STRN: variants seen among roughly 807,000 people sequenced by gnomAD.
STRN encodes striatin.
STRN carries 53 observed loss-of-function variants against 96.3 expected under a neutral mutation model. The ratio of observed to expected loss-of-function variants is 0.55; its 90% CI spans 0.44 to 0.69. The LOEUF (loss-of-function observed/expected upper bound fraction) is 0.69, where lower values mean the gene tolerates loss of function less well. Among genes scored for constraint, STRN ranks in the 30% least tolerant of loss-of-function variants. STRN has a pLI of 0.00. For missense variants in STRN, 987 were observed against 963.9 expected (o/e 1.02, Z -0.32); for synonymous variants, 428 against 355.9 (o/e 1.20, Z -2.28).
At position 36,846,596 on chromosome 2, in the gene STRN, TTCA is replaced by T. The variant is rs1322126678; in HGVS notation, c.*2857_*2859del. The T allele has an allele frequency of 6.6e-6, 1 of 151,176 alleles. No homozygotes were observed. The highest frequency in any genetic ancestry group is 1.9e-4 in the East Asian group (1 of 5,184). The allele number at this position is 151,176 out of a possible 1,614,324, so 9.4% of individuals were successfully genotyped here. On this transcript the variant is annotated 3_prime_UTR_variant, in exon 18 of 18. Coordinates refer to ENST00000263918, the MANE Select transcript of STRN (RefSeq NM_003162.4). ...ATTAAAAAAAAAATTTCTCACAAAGTTCATCATCAGTGATGCAGCTCAATTTCC... is the reference window on the plus strand; with the variant it reads ...ATTAAAAAAAAAATTTCTCACAAAGTTCATCAGTGATGCAGCTCAATTTCC...
At chr2:36,875,425 A>C (rs1165464686) in intron 10 of STRN, among the ~76,000 whole-genome samples, 2 of 148,126 alleles carry the variant, frequency 1.4e-5, no homozygotes, top group Admixed American at 1.4e-4. Flanking sequence ...AGGATGGCTT[A>C]AGCCTAGAAG....
At chr2:36,905,435 TATGAG>T (rs1669795921) in intron 4 of STRN, 100 bp downstream of exon 4, 1 of 992,552 alleles carries the variant, frequency 1.0e-6, no homozygotes, top group Middle Eastern at 2.1e-4. Context: ...ACAGCATCTG[TATGAG>T]ATAAAATATT....
Position 36,841,576 on chromosome 2 carries a change from T to G in STRN, c.*7880A>C, listed in dbSNP as rs766166099. ...GTTTTTAAAAGCATAGTCAAAACCA[T>G]TCAAAAGAGAACTCACTCTGTAAAA... On this transcript the variant is annotated 3_prime_UTR_variant, in exon 18 of 18. Transcript: ENST00000263918. 6.6e-6 allele frequency: 1 copy of G among 152,216 alleles called. No homozygotes were observed. Among genetic ancestry groups the G allele is most frequent in the Non-Finnish European group, 1.5e-5 (1 of 68,028 alleles). The allele number at this position is 152,216 out of a possible 1,614,324, so 9.4% of individuals were successfully genotyped here. A position where few individuals can be genotyped will look rare whatever the true frequency, so the allele number is the denominator to read the frequency against.
At chr2:36,860,721 T>C (rs773415720) in intron 13 of STRN, among the ~76,000 whole-genome samples, 16 of 152,176 alleles carry the variant, frequency 1.1e-4, no homozygotes, top group Non-Finnish European at 2.4e-4. Context: ...AATTATTAGC[T>C]TCTACAGCCC....
chr2:36,880,293 A>G (rs1411969542), intron 9 of STRN, among the ~76,000 whole-genome samples: 3 of 152,170 alleles, frequency 2.0e-5, no homozygotes, highest in African/African-American at 4.8e-5. Context: ...TTAACAATTA[A>G]CCAAGCATGG....
At position 36,838,943 on chromosome 2, in the gene STRN, T is replaced by C. The variant is rs115486913; in HGVS notation, c.*10513A>G. On this transcript the variant is annotated 3_prime_UTR_variant, in exon 18 of 18. Transcript: ENST00000263918. ...TCATTAACGTTAGACTGTATATGTT[T>C]ACTGATAAATTTGAGAGACCTTTAA... Among the ~76,000 whole-genome samples the C allele has an allele frequency of 7.5e-3, 1,144 of 152,350 alleles. 15 individuals are homozygous for C. The highest frequency in any genetic ancestry group is 0.026 in the African/African-American group (1,062 of 41,582).
At chr2:36,895,477 T>C (rs1409482765) in intron 6 of STRN, among the ~76,000 whole-genome samples, 3 of 152,162 alleles carry the variant, frequency 2.0e-5, no homozygotes, top group Admixed American at 6.5e-5. Flanking sequence ...GCAAATCTAT[T>C]AGACAAACAA....
At chr2:36,919,959 CT>C (rs1217335402) in intron 2 of STRN, among the ~76,000 whole-genome samples, 5 of 152,250 alleles carry the variant, frequency 3.3e-5, no homozygotes, top group Admixed American at 2.6e-4. Context: ...AGTAATTCTT[CT>C]GTAATATTAA....
intron 2 of STRN, among the ~76,000 whole-genome samples, chr2:36,921,528 ATTC>A (rs1162668082): frequency 1.3e-5 from 2 of 152,132 alleles, no homozygotes; most frequent in Non-Finnish European, 2.9e-5. Flanking sequence ...CTGCTCTTTA[ATTC>A]TTCTTTTTAA....
rs1665155859 is a variant in STRN at position 36,966,170 on chromosome 2, G to A, written c.234+60C>T. 4 of 1,419,870 alleles carry A rather than the reference G, an allele frequency of 2.8e-6. No homozygotes were observed. In the African/African-American group the frequency reaches 4.5e-5, roughly 16 times the overall value. The allele number at this position is 1,419,870 out of a possible 1,614,324, so 88.0% of individuals were successfully genotyped here. On this transcript the variant is annotated intron_variant, in intron 1 of 17. Coordinates refer to ENST00000263918, the MANE Select transcript of STRN (RefSeq NM_003162.4). ...CTGGGGGAGGGGGAGAAGGGTCCGG[G>A]GCGGGGCGGAAGGGAGCAAAGAGGC... is the stretch of plus-strand genomic sequence containing the variant.
At chr2:36,898,801 AC>A (rs1669608784) in intron 6 of STRN, among the ~76,000 whole-genome samples, 2 of 152,182 alleles carry the variant, frequency 1.3e-5, no homozygotes, top group African/African-American at 4.8e-5. Context: ...GAAAATGCAA[AC>A]ATTTTCCTAG....
At chr2:36,869,848 A>T in intron 10 of STRN, 119 bp from the exon 11 acceptor site, 2 of 792,388 alleles carry the variant, frequency 2.5e-6, no homozygotes, top group Non-Finnish European at 3.5e-6. Context: ...CAATTTTTAA[A>T]ACAATATAAT....
chr2:36,908,948 T>G (rs1418485176), intron 3 of STRN, among the ~76,000 whole-genome samples: 1 of 150,060 alleles, frequency 6.7e-6, no homozygotes, highest in Admixed American at 6.7e-5. Context: ...ATCACTACAC[T>G]CCAGCCTGGG....
chr2:36,901,551 C>CA (rs72004958), intron 5 of STRN, among the ~76,000 whole-genome samples: 10 of 96,658 alleles, frequency 1.0e-4, no homozygotes, highest in African/African-American at 1.4e-4. Context: ...GACTCCGCCT[C>CA]AAAAAAAAAA....
chr2:36,839,974 TA>T lies in STRN; in HGVS notation c.*9481del, dbSNP rs1667912842. 3.3e-5 allele frequency: 5 copies of T among 152,152 alleles called. No homozygotes were observed. The highest frequency in any genetic ancestry group is 2.0e-4 in the Admixed American group (3 of 15,266). 9.4% of individuals were successfully genotyped at this position (152,152 alleles called of 1,614,324 possible). On this transcript the variant is annotated 3_prime_UTR_variant, in exon 18 of 18. Coordinates refer to ENST00000263918, the MANE Select transcript of STRN (RefSeq NM_003162.4). Reference sequence around the variant, plus strand: ...ACAGAGATGTTCCTAGGAGAGTTAATAAACATTGGTACAATTACTATAAAAT... The same window carrying T: ...ACAGAGATGTTCCTAGGAGAGTTAATAACATTGGTACAATTACTATAAAAT...
chr2:36,885,017 A>C (rs1669182887), intron 8 of STRN, among the ~76,000 whole-genome samples: 1 of 152,162 alleles, frequency 6.6e-6, no homozygotes, highest in African/African-American at 2.4e-5. Flanking sequence ...AAAGATGTTA[A>C]AATTTCTCCC....
Position 36,966,242 on chromosome 2 carries a change from C to G in STRN, c.222G>C (p.Arg74=), listed in dbSNP as rs988563568. 4.5e-6 allele frequency: 7 copies of G among 1,572,724 alleles called. No individual in the cohort carries two copies. The African/African-American group carries it at 9.7e-5, about 22-fold the overall frequency. ...GGAGGGTCTTTACCTGCAGCTCCGC[C>G]CGCTCCACCTCCCACTGGGCTCTCT... ...EVERAQWEVE[R]AELQAQIAFL... is the part of the protein sequence containing the mutation. Residue 74 remains arginine, a synonymous_variant, in exon 1 of 18, where the codon CGG becomes CGC. Coordinates refer to ENST00000263918, the MANE Select transcript of STRN (RefSeq NM_003162.4).
chr2:36,872,046 G>C (rs568917799), intron 10 of STRN, among the ~76,000 whole-genome samples: 20 of 152,310 alleles, frequency 1.3e-4, no homozygotes, highest in Admixed American at 2.0e-4. Flanking sequence ...TCATGTGAAA[G>C]AGCAATCAAA....
intron 12 of STRN, 93 bp from the exon 13 acceptor site, chr2:36,861,346 T>C: frequency 6.7e-7 from 1 of 1,487,068 alleles, no homozygotes; most frequent in South Asian, 1.3e-5. Context: ...ATTACCCAAA[T>C]GGCTATTTTT....
Sources: allele counts gnomAD v4.1 joint callset (sites outside exome capture counted in the v4.1 genomes callset), GRCh38; gene constraint gnomAD v4.1.1; transcripts MANE v1.5; gene names NCBI Gene and HGNC (gene_info 2026-07-23, HGNC 2026-07-21).